Variants in KCNH7 observed in about 807,000 individuals in gnomAD.
The protein encoded by KCNH7 is voltage-gated inwardly rectifying potassium channel KCNH7.
KCNH7 carries 49 observed loss-of-function variants against 120.8 expected under a neutral mutation model. That is an observed-to-expected ratio of 0.41 (90% CI 0.32 to 0.51). The LOEUF is 0.51. Among genes scored for constraint, KCNH7 ranks in the 20% least tolerant of loss-of-function variants. The pLI is 0.38. For missense variants in KCNH7, 1,097 were observed against 1,446.6 expected (o/e 0.76, Z 3.92); for synonymous variants, 547 against 516.1 (o/e 1.06, Z -0.81).
chr2:162,536,978 T>C lies in KCNH7; in HGVS notation c.410A>G (p.Asn137Ser). Residue 137 changes from asparagine to serine, a missense_variant, in exon 3 of 16, where the codon AAC (asparagine) becomes AGC (serine). Asn to Ser is a conservative substitution (Grantham distance 46). Around this residue, in one of 8 missense-constraint regions of KCNH7, gnomAD observed 362 missense variants for 372.2 expected, o/e 0.97. Transcript: ENST00000332142. ...GTTTACCCTCTCTGGGGTGGCAGCG[T>C]TTTCATTATCCGTCACATATTCAAA... ...INFEYVTDNE[N>S]AATPERVNPI... 1 of 1,613,002 alleles carries C rather than the reference T, an allele frequency of 6.2e-7. No homozygotes were observed.
chr2:162,458,098 T>TGTGTGC (rs1287936122), intron 6 of KCNH7, among the ~76,000 whole-genome samples: 1 of 138,552 alleles, frequency 7.2e-6, no homozygotes, highest in African/African-American at 3.4e-5. Flanking sequence ...GATATTTGGC[T>TGTGTGC]ATGTGCGTGT....
At chr2:162,389,138 T>A (rs1467057763) in intron 12 of KCNH7, among the ~76,000 whole-genome samples, 2 of 151,960 alleles carry the variant, frequency 1.3e-5, no homozygotes, top group Non-Finnish European at 2.9e-5. Flanking sequence ...TTTTTTGTTT[T>A]GTTTGTCTTT....
intron 2 of KCNH7, among the ~76,000 whole-genome samples, chr2:162,553,579 G>T (rs926222057): frequency 5.3e-5 from 8 of 152,120 alleles, no homozygotes; most frequent in Admixed American, 2.0e-4. Context: ...AACCCGGGAG[G>T]TGGAGCTTGC....
At chr2:162,571,742 C>T (rs1018472564) in intron 2 of KCNH7, among the ~76,000 whole-genome samples, 1 of 128,108 alleles carries the variant, frequency 7.8e-6, no homozygotes, top group Non-Finnish European at 1.6e-5. Flanking sequence ...AATAACGCCA[C>T]TTATCTACAA....
intron 2 of KCNH7, among the ~76,000 whole-genome samples, chr2:162,649,416 T>G (rs1022542157): frequency 1.3e-5 from 2 of 152,220 alleles, no homozygotes; most frequent in African/African-American, 4.8e-5. Flanking sequence ...TAATAACAAC[T>G]GTCTAGTGCT....
chr2:162,831,896 A>G (rs574695346), intron 2 of KCNH7, among the ~76,000 whole-genome samples: 1 of 152,274 alleles, frequency 6.6e-6, no homozygotes, highest in East Asian at 1.9e-4. Flanking sequence ...AAAGTAACTG[A>G]TAAACAAAGC....
At chr2:162,468,512 C>CTTTTTTTTT (rs1166606647) in intron 6 of KCNH7, among the ~76,000 whole-genome samples, 1 of 78,918 alleles carries the variant, frequency 1.3e-5, no homozygotes. Flanking sequence ...TATTCTTTTC[C>CTTTTTTTTT]TTTTTTTTTT....
At chr2:162,419,424 G>A (rs1573935533) in intron 9 of KCNH7, among the ~76,000 whole-genome samples, 2 of 152,000 alleles carry the variant, frequency 1.3e-5, no homozygotes, top group East Asian at 1.9e-4. Flanking sequence ...TAACGTTTCT[G>A]CACATTTAGC....
chr2:162,836,883 C>T, intron 1 of KCNH7, 116 bp from the exon 2 acceptor site: 1 of 663,136 alleles, frequency 1.5e-6, no homozygotes, highest in South Asian at 1.9e-5. Flanking sequence ...CCCCAAATTA[C>T]TAATCTCTCC....
chr2:162,431,493 T>C (rs1461280958), intron 8 of KCNH7, among the ~76,000 whole-genome samples: 1 of 151,950 alleles, frequency 6.6e-6, no homozygotes, highest in African/African-American at 2.4e-5. Context: ...AGTATTCTTA[T>C]TATTGCCAAA....
intron 6 of KCNH7, among the ~76,000 whole-genome samples, chr2:162,481,577 C>T (rs1031114758): frequency 1.3e-5 from 2 of 152,096 alleles, no homozygotes; most frequent in African/African-American, 4.8e-5. Context: ...AGACTTTCCT[C>T]ATCAGTAAAA....
chr2:162,751,272 G>A (rs1688537191), intron 2 of KCNH7, among the ~76,000 whole-genome samples: 1 of 152,134 alleles, frequency 6.6e-6, no homozygotes, highest in East Asian at 1.9e-4. Context: ...TTTCACCAAA[G>A]TACTATATTA....
intron 2 of KCNH7, among the ~76,000 whole-genome samples, chr2:162,780,271 A>G (rs73015975): frequency 0.031 from 4,680 of 152,240 alleles, 237 homozygotes; most frequent in African/African-American, 0.11. Flanking sequence ...TCGATGATAT[A>G]TCTTAGTGAT....
chr2:162,493,359 G>T (rs1303019522), intron 6 of KCNH7, among the ~76,000 whole-genome samples: 2 of 152,076 alleles, frequency 1.3e-5, no homozygotes, highest in Non-Finnish European at 2.9e-5. Context: ...AATATTTTTT[G>T]AAGGAAAAAT....
At chr2:162,490,144 T>C (rs1288875813) in intron 6 of KCNH7, among the ~76,000 whole-genome samples, 2 of 152,214 alleles carry the variant, frequency 1.3e-5, no homozygotes, top group African/African-American at 4.8e-5. Flanking sequence ...GCCCCACAAG[T>C]TCTTACACCA....
chr2:162,527,800 A>C (rs1691764877), intron 3 of KCNH7: 1 of 151,968 alleles, frequency 6.6e-6, no homozygotes, highest in African/African-American at 2.4e-5. Context: ...GAAAAAGTAC[A>C]CTTTAAAAAT....
chr2:162,446,963 C>G (rs760314585), intron 6 of KCNH7, among the ~76,000 whole-genome samples: 1 of 151,970 alleles, frequency 6.6e-6, no homozygotes, highest in Non-Finnish European at 1.5e-5. Flanking sequence ...GAATTTCCCA[C>G]CTGCAATCTG....
At chr2:162,448,001 T>A (rs564344555) in intron 6 of KCNH7, among the ~76,000 whole-genome samples, 1 of 152,074 alleles carries the variant, frequency 6.6e-6, no homozygotes, top group Non-Finnish European at 1.5e-5. Flanking sequence ...CACTGTAAAT[T>A]TGAACCAGCC....
At chr2:162,583,522 C>T (rs998337501) in intron 2 of KCNH7, among the ~76,000 whole-genome samples, 9 of 151,922 alleles carry the variant, frequency 5.9e-5, no homozygotes, top group Non-Finnish European at 1.2e-4. Context: ...TTCTTAAATA[C>T]GACTAATACA....
Sources: gnomAD v4.1 joint callset for allele counts (sites outside exome capture counted in the v4.1 genomes callset) on GRCh38, gnomAD v4.1.1 for gene constraint, gnomAD v4.1.1 regional missense constraint, MANE v1.5 for transcripts, NCBI Gene and HGNC (gene_info 2026-07-23, HGNC 2026-07-21) for gene names.